Variants in GNG7 observed in about 807,000 individuals in gnomAD.
The protein encoded by GNG7 is G protein subunit gamma 7, also known as guanine nucleotide-binding protein G(I)/G(S)/G(O) subunit gamma-7.
GNG7 carries 1 observed loss-of-function variant against 4.0 expected under a neutral mutation model. That is an observed-to-expected ratio of 0.25 (90% CI 0.09 to 1.18). GNG7 has a LOEUF of 1.18. Among genes scored for constraint, GNG7 ranks in the 50% most tolerant of loss-of-function variants. The pLI is 0.50. For synonymous variants in GNG7, 34 were observed against 36.9 expected, an observed-to-expected ratio of 0.92 and a Z score of 0.29; for missense variants, 86 against 91.9, an observed-to-expected ratio of 0.94 and a Z score of 0.26.
rs562765367 is a variant in GNG7 at position 2,682,172 on chromosome 19, G to A, written c.-135+20474C>T. Among the ~76,000 whole-genome samples, 5 of 151,478 alleles carry A rather than the reference G, an allele frequency of 3.3e-5. 1 individual carries two copies. The South Asian group carries it at 6.3e-4, about 19-fold the overall frequency. On this transcript the variant is annotated intron_variant, in intron 1 of 4. Transcript: ENST00000382159. ...GATCCACCCACCTTGGCCTCCCAAA[G>A]TGCTGTGATTACAGGCGTGAGCCAC...
chr19:2,582,631 T>C (rs1980534386), intron 2 of GNG7, among the ~76,000 whole-genome samples: 1 of 150,232 alleles, frequency 6.7e-6, no homozygotes, highest in South Asian at 2.1e-4. Context: ...TACAGGTGCA[T>C]GCCACCATGG....
At chr19:2,534,624 C>G (rs1181020244) in intron 3 of GNG7, among the ~76,000 whole-genome samples, 1 of 152,178 alleles carries the variant, frequency 6.6e-6, no homozygotes, top group Non-Finnish European at 1.5e-5. Flanking sequence ...CCCTGGGAAA[C>G]TAAGACCCAG....
At chr19:2,548,642 A>G (rs1007701706) in intron 3 of GNG7, among the ~76,000 whole-genome samples, 1 of 150,072 alleles carries the variant, frequency 6.7e-6, no homozygotes, top group Non-Finnish European at 1.5e-5. Flanking sequence ...TACAAAAATT[A>G]GCCGGGCCTG....
chr19:2,535,299 G>C (rs189840058), intron 3 of GNG7, among the ~76,000 whole-genome samples: 2 of 146,314 alleles, frequency 1.4e-5, no homozygotes, highest in Admixed American at 1.4e-4. Context: ...GACCAGCCTG[G>C]GCAACATGGC....
In GNG7 at chr19:2,614,504, G is replaced by A. The variant is rs1241465703; in HGVS notation, c.-78+31720C>T. Among the ~76,000 whole-genome samples, 2 of 152,026 alleles carry A rather than the reference G, an allele frequency of 1.3e-5. No homozygotes were observed. The highest frequency in any genetic ancestry group is 2.9e-5 in the Non-Finnish European group (2 of 68,024). On this transcript the variant is annotated intron_variant, in intron 2 of 4. Transcript: ENST00000382159. This position sits in a 1 kb window ranked among gnomAD's most constrained non-coding sequence, Gnocchi z 6.0. ...ATCCCCTTCCTGCCTCTCTAGACTG[G>A]CCTGTCCTGGACATTTCATAGAAAT... is the stretch of plus-strand genomic sequence containing the variant.
At chr19:2,679,556 A>G (rs1199637037) in intron 1 of GNG7, among the ~76,000 whole-genome samples, 1 of 152,168 alleles carries the variant, frequency 6.6e-6, no homozygotes, top group Admixed American at 6.5e-5. Context: ...ACACAGAAAG[A>G]AAGTCACATG....
intron 2 of GNG7, among the ~76,000 whole-genome samples, chr19:2,558,511 G>A (rs1389740054): frequency 6.6e-6 from 1 of 152,076 alleles, no homozygotes; most frequent in African/African-American, 2.4e-5. Flanking sequence ...TGGATGACAG[G>A]TGTGTGCCAC....
In GNG7 at chr19:2,626,035, G is replaced by A. The variant is rs1008607864; in HGVS notation, c.-78+20189C>T. On this transcript the variant is annotated intron_variant, in intron 2 of 4. Transcript: ENST00000382159. The surrounding 1 kb of genome is among the most constrained non-coding windows in gnomAD (Gnocchi z 5.0). ...ACTCCTGACCTCAGGTGATCCACCC[G>A]CCTCGGCCTCCCAAAGTGCTGGGAT... 3.9e-4 allele frequency among the ~76,000 whole-genome samples: 59 copies of A among 151,902 alleles called. No individual in the cohort carries two copies. Among genetic ancestry groups the A allele is most frequent in the African/African-American group, 1.2e-3 (48 of 41,352 alleles).
chr19:2,669,318 C>T (rs1427040059), intron 1 of GNG7, among the ~76,000 whole-genome samples: 1 of 152,022 alleles, frequency 6.6e-6, no homozygotes, highest in Non-Finnish European at 1.5e-5. Context: ...GGTGAAACCC[C>T]ATCTCTACTA....
intron 1 of GNG7, among the ~76,000 whole-genome samples, chr19:2,686,403 C>T (rs1163156104): frequency 6.6e-6 from 1 of 152,144 alleles, no homozygotes; most frequent in Non-Finnish European, 1.5e-5. Flanking sequence ...GGTGATCCAC[C>T]CACCTCGGCC....
At chr19:2,565,947 T>A (rs1360268768) in intron 2 of GNG7, among the ~76,000 whole-genome samples, 1 of 151,768 alleles carries the variant, frequency 6.6e-6, no homozygotes, top group African/African-American at 2.4e-5. Flanking sequence ...CATCTGAGGT[T>A]AGGAGTTCGA....
intron 2 of GNG7, chr19:2,642,787 C>A: frequency 4.4e-6 from 2 of 456,790 alleles, no homozygotes; most frequent in Non-Finnish European, 8.8e-6. Context: ...AGCCATGGCG[C>A]CCGGCCAGAA....
intron 3 of GNG7, among the ~76,000 whole-genome samples, chr19:2,545,099 A>G (rs556936519): frequency 6.6e-6 from 1 of 151,952 alleles, no homozygotes; most frequent in Non-Finnish European, 1.5e-5. Flanking sequence ...TGGGACGCAG[A>G]GTCTCTTGGG....
In GNG7 at chr19:2,697,676, C is replaced by T. The variant is rs546738679; in HGVS notation, c.-135+4970G>A. On this transcript the variant is annotated intron_variant, in intron 1 of 4. Transcript: ENST00000382159. ...ATCAGCCGTGAAAGGACACAGCGGC[C>T]GGGCGCGGTGGCTCACGCCTGTCAC... 2.7e-4 allele frequency among the ~76,000 whole-genome samples: 41 copies of T among 152,274 alleles called. 2 individuals carry two copies. In the South Asian group the frequency reaches 8.3e-3, roughly 31 times the overall value.
Position 2,699,341 on chromosome 19 carries a change from G to T in GNG7, c.-135+3305C>A, listed in dbSNP as rs187993142. On this transcript the variant is annotated intron_variant, in intron 1 of 4. Transcript: ENST00000382159. Reference sequence around the variant, plus strand: ...TTTTTGTATTTTTAGTACAGATGGGGTTTCACCATGTTGGCCAGGATGGTC... The same window carrying T: ...TTTTTGTATTTTTAGTACAGATGGGTTTTCACCATGTTGGCCAGGATGGTC... Among the ~76,000 whole-genome samples, 3 of 152,092 alleles carry T rather than the reference G, an allele frequency of 2.0e-5. No individual in the cohort carries two copies. The East Asian group carries it at 5.8e-4, about 29-fold the overall frequency.
At chr19:2,552,092 T>C (rs1979351446) in intron 3 of GNG7, among the ~76,000 whole-genome samples, 2 of 152,238 alleles carry the variant, frequency 1.3e-5, no homozygotes, top group South Asian at 4.1e-4. Context: ...AACCCAATTG[T>C]GAACTGTGCA....
intron 3 of GNG7, among the ~76,000 whole-genome samples, chr19:2,553,656 CATGCACACGTTACAT>C (rs1979427286): frequency 9.1e-6 from 1 of 110,188 alleles, no homozygotes. Context: ...ATATTACATA[CATGCACACGTTACAT>C]GTAATATGTT....
chr19:2,662,925 T>C (rs1311778662), intron 1 of GNG7, among the ~76,000 whole-genome samples: 2 of 152,156 alleles, frequency 1.3e-5, no homozygotes, highest in African/African-American at 4.8e-5. Context: ...CTTATCATCA[T>C]ACAAAAAGAC....
intron 3 of GNG7, among the ~76,000 whole-genome samples, chr19:2,537,281 T>G (rs1331702087): frequency 1.3e-5 from 2 of 152,154 alleles, no homozygotes; most frequent in Admixed American, 1.3e-4. Flanking sequence ...GTTCTCACTC[T>G]GTTGTCCAGG....
Sources: allele counts gnomAD v4.1 joint callset (sites outside exome capture counted in the v4.1 genomes callset), GRCh38; gene constraint gnomAD v4.1.1; non-coding constraint Gnocchi (gnomAD v3.1); transcripts MANE v1.5; gene names NCBI Gene and HGNC (gene_info 2026-07-23, HGNC 2026-07-21).